Variants in NEGR1 observed in about 807,000 individuals in gnomAD.
NEGR1 encodes the protein IgLON family member 4.
A neutral mutation model predicts 40.9 loss-of-function variants in NEGR1; 10 were observed. The observed-to-expected ratio is 0.24, with a 90% CI of 0.15 to 0.42. The LOEUF (loss-of-function observed/expected upper bound fraction) is 0.42, where lower values mean the gene tolerates loss of function less well. Among genes scored for constraint, NEGR1 ranks in the 10% least tolerant of loss-of-function variants. The pLI is 1.00. For missense variants in NEGR1, 352 were observed against 438.9 expected (o/e 0.80, Z 1.77); for synonymous variants, 185 against 166.8 (o/e 1.11, Z -0.84).
intron 1 of NEGR1, among the ~76,000 whole-genome samples, chr1:72,236,570 T>C (rs947857213): frequency 6.6e-6 from 1 of 152,046 alleles, no homozygotes; most frequent in Non-Finnish European, 1.5e-5. Flanking sequence ...GACTCAATCA[T>C]GTGTAAATTA....
At chr1:71,584,318 C>T (rs12073053) in intron 6 of NEGR1, among the ~76,000 whole-genome samples, 54 of 152,236 alleles carry the variant, frequency 3.5e-4, no homozygotes, top group African/African-American at 1.2e-3. Flanking sequence ...AATATTATTG[C>T]TTTCACAGTT....
At chr1:71,682,714 C>T (rs1168528018) in intron 4 of NEGR1, among the ~76,000 whole-genome samples, 1 of 152,136 alleles carries the variant, frequency 6.6e-6, no homozygotes, top group Non-Finnish European at 1.5e-5. Context: ...ATTTAATCCC[C>T]AATGTTGGAG....
chr1:72,025,980 G>A (rs1418409177), intron 1 of NEGR1, among the ~76,000 whole-genome samples: 2 of 149,674 alleles, frequency 1.3e-5, no homozygotes, highest in Non-Finnish European at 3.0e-5. Flanking sequence ...GCGTAGTGGC[G>A]GGCGCCTGTA....
At chr1:72,166,208 T>C (rs913647452) in intron 1 of NEGR1, among the ~76,000 whole-genome samples, 2 of 152,050 alleles carry the variant, frequency 1.3e-5, no homozygotes, top group African/African-American at 4.8e-5. Context: ...AAGAGACTTT[T>C]ACTGCCAAGT....
chr1:71,721,645 A>G (rs985089561), intron 3 of NEGR1, among the ~76,000 whole-genome samples: 3 of 152,102 alleles, frequency 2.0e-5, no homozygotes, highest in African/African-American at 7.2e-5. Flanking sequence ...GGATGTTTAG[A>G]GCATCTGTGG....
At chr1:71,427,917 T>C (rs1035391932) in intron 6 of NEGR1, among the ~76,000 whole-genome samples, 3 of 151,928 alleles carry the variant, frequency 2.0e-5, no homozygotes, top group African/African-American at 4.8e-5. Flanking sequence ...GCAAATACAG[T>C]AGGACAAAGA....
At chr1:71,754,487 T>A (rs1224025279) in intron 3 of NEGR1, among the ~76,000 whole-genome samples, 1 of 152,230 alleles carries the variant, frequency 6.6e-6, no homozygotes, top group Non-Finnish European at 1.5e-5. Flanking sequence ...AAATTAGCTA[T>A]GTATCAATTA....
intron 1 of NEGR1, among the ~76,000 whole-genome samples, chr1:72,170,795 C>T (rs949938753): frequency 1.6e-4 from 24 of 152,106 alleles, no homozygotes; most frequent in African/African-American, 5.3e-4. Context: ...AGGACTTCTT[C>T]CTAAATAAAG....
chr1:72,050,770 G>A (rs1413708047), intron 1 of NEGR1, among the ~76,000 whole-genome samples: 2 of 151,470 alleles, frequency 1.3e-5, no homozygotes, highest in African/African-American at 4.8e-5. Context: ...GACTTCTGAG[G>A]TTAGGCCATA....
intron 1 of NEGR1, among the ~76,000 whole-genome samples, chr1:72,031,824 G>C (rs530558330): frequency 1.3e-5 from 2 of 152,190 alleles, no homozygotes; most frequent in African/African-American, 2.4e-5. Flanking sequence ...GCATTCTGTG[G>C]AATGAACTGA....
chr1:71,687,368 T>G (rs1057356686), intron 4 of NEGR1, among the ~76,000 whole-genome samples: 27 of 152,242 alleles, frequency 1.8e-4, no homozygotes, highest in African/African-American at 5.1e-4. Flanking sequence ...ATTTTATCTA[T>G]GAAATACATA....
At chr1:71,950,122 T>C (rs898014159) in intron 1 of NEGR1, among the ~76,000 whole-genome samples, 3 of 152,054 alleles carry the variant, frequency 2.0e-5, no homozygotes, top group Non-Finnish European at 4.4e-5. Context: ...ATGGGTTTTT[T>C]ACATTTTTAT....
intron 1 of NEGR1, among the ~76,000 whole-genome samples, chr1:72,225,427 T>C (rs895558461): frequency 4.0e-5 from 6 of 151,780 alleles, no homozygotes; most frequent in Admixed American, 3.3e-4. Flanking sequence ...TTTTGTATTA[T>C]AAAATATCTT....
chr1:71,755,973 G>T (rs1655719112), intron 3 of NEGR1, among the ~76,000 whole-genome samples: 2 of 152,016 alleles, frequency 1.3e-5, no homozygotes, highest in South Asian at 4.1e-4. Context: ...ATCTATTTTT[G>T]CAAAACATGT....
At chr1:71,776,139 A>T (rs746511926) in intron 3 of NEGR1, 33 bp downstream of exon 3, 16 of 1,520,634 alleles carry the variant, frequency 1.1e-5, no homozygotes. Context: ...AAAAATGAAC[A>T]GCACAAACAA....
At chr1:71,590,410 T>C (rs1325566988) in intron 6 of NEGR1, among the ~76,000 whole-genome samples, 2 of 152,058 alleles carry the variant, frequency 1.3e-5, no homozygotes, top group Admixed American at 6.6e-5. Flanking sequence ...CCTTATTGCA[T>C]TATCGTTGCT....
At chr1:71,525,784 A>C (rs977220039) in intron 6 of NEGR1, among the ~76,000 whole-genome samples, 2 of 151,706 alleles carry the variant, frequency 1.3e-5, no homozygotes, top group Admixed American at 1.3e-4. Flanking sequence ...TACATTTATA[A>C]GTCTGTTTTA....
intron 1 of NEGR1, among the ~76,000 whole-genome samples, chr1:71,941,203 C>A (rs1433313888): frequency 6.6e-6 from 1 of 152,026 alleles, no homozygotes; most frequent in African/African-American, 2.4e-5. Context: ...TTCAGAACCC[C>A]ATAAAATCTC....
chr1:71,510,461 TA>T (rs1647065088), intron 6 of NEGR1, among the ~76,000 whole-genome samples: 1 of 152,154 alleles, frequency 6.6e-6, no homozygotes. Flanking sequence ...TAAATCTAAG[TA>T]ATGCCAGCCG....
Sources: allele counts gnomAD v4.1 joint callset (sites outside exome capture counted in the v4.1 genomes callset), GRCh38; gene constraint gnomAD v4.1.1; transcripts MANE v1.5; gene names NCBI Gene and HGNC (gene_info 2026-07-23, HGNC 2026-07-21).